The following OSBP variants were observed in gnomAD, a reference collection of about 807,000 sequenced individuals.
The protein encoded by OSBP is oxysterol binding protein, also known as oxysterol-binding protein 1.
OSBP carries 32 observed loss-of-function variants against 96.6 expected under a neutral mutation model. The observed-to-expected ratio is 0.33, with a 90% CI of 0.25 to 0.45. The LOEUF is 0.45. Among genes scored for constraint, OSBP ranks in the 20% least tolerant of loss-of-function variants. The pLI, the probability that OSBP is intolerant of heterozygous loss-of-function variation, is 1.00. For missense variants in OSBP, 653 were observed against 1,029.7 expected (o/e 0.63, Z 5.01); for synonymous variants, 369 against 389.6 (o/e 0.95, Z 0.62).
Position 59,600,812 on chromosome 11 carries a change from G to A in OSBP, c.1179+7C>T. 6.2e-7 allele frequency: 1 copy of A among 1,609,624 alleles called. No homozygotes were observed. The highest frequency in any genetic ancestry group is 8.5e-7 in the Non-Finnish European group (1 of 1,176,864). ...CTCACCTCTGAGATCTCCCATATAA[G>A]AATTACCTGTTCATCAAGGCTGATG... On this transcript the variant is annotated splice_region_variant and intron_variant, in intron 6 of 13. Transcript: ENST00000263847.
Position 59,594,092 on chromosome 11 carries a change from C to T in OSBP, c.1475G>A (p.Ser492Asn). 6.2e-7 allele frequency: 1 copy of T among 1,614,100 alleles called. No homozygotes were observed. The highest frequency in any genetic ancestry group is 1.1e-5 in the South Asian group (1 of 91,082). The change falls in exon 8 of 14, where the codon AGT becomes AAT. Residue 492 changes from serine (S) to asparagine (N), a missense_variant. Physicochemically the swap from Ser to Asn is conservative, Grantham distance 46 (BLOSUM62 1). Transcript: ENST00000263847. ...SSYSTTVFRT[S>N]KPFNPLLGET... ...CCCAAGCAGTGGGTTGAATGGCTTA[C>T]TGGTGCGGAAGACAGTAGTGGAGTA... is the stretch of plus-strand genomic sequence containing the variant.
intron 7 of OSBP, among the ~76,000 whole-genome samples, chr11:59,596,665 C>T (rs1860662014): frequency 2.0e-5 from 3 of 151,344 alleles, no homozygotes; most frequent in African/African-American, 7.3e-5. Context: ...TGGGGAGAAG[C>T]AGCAGTATTA....
intron 9 of OSBP, among the ~76,000 whole-genome samples, chr11:59,589,663 G>C (rs1028921963): frequency 2.0e-5 from 3 of 151,910 alleles, no homozygotes; most frequent in Admixed American, 2.0e-4. Context: ...ATATCAGCTA[G>C]TTTCTATATC....
In OSBP at chr11:59,615,699, C is replaced by T; in HGVS notation, c.-35G>A. The T allele has an allele frequency of 7.9e-7, 1 of 1,272,522 alleles. No homozygotes were observed. The highest frequency in any genetic ancestry group is 9.9e-7 in the Non-Finnish European group (1 of 1,011,116). The allele number at this position is 1,272,522 out of a possible 1,614,324, so 78.8% of individuals were successfully genotyped here. The stretch of plus-strand genomic sequence containing the variant: ...CCGCCTGGAGATACAAGACCGGAAC[C>T]GCCTACGAGAGCCGCCGTCGCCGCC... On this transcript the variant is annotated 5_prime_UTR_variant, in exon 1 of 14. Transcript: ENST00000263847.
chr11:59,601,557 G>A, intron 4 of OSBP, 83 bp downstream of exon 4: 2 of 1,297,394 alleles, frequency 1.5e-6, no homozygotes, highest in East Asian at 2.3e-5. Context: ...CATTGACTGT[G>A]AAGAGTTTGG....
At chr11:59,590,712 T>G (rs1860566991) in intron 9 of OSBP, among the ~76,000 whole-genome samples, 1 of 152,168 alleles carries the variant, frequency 6.6e-6, no homozygotes, top group South Asian at 2.1e-4. Flanking sequence ...GCTCACTTAC[T>G]CACAACCCTG....
rs1053818631 is a variant in OSBP, at chr11:59,574,619, A to G, written c.*1958T>C. 2.0e-5 allele frequency: 3 copies of G among 152,170 alleles called. No individual in the cohort carries two copies. Among genetic ancestry groups the G allele is most frequent in the African/African-American group, 4.9e-5 (2 of 41,182 alleles). The allele number at this position is 152,170 out of a possible 1,614,324, so 9.4% of individuals were successfully genotyped here. ...GAAGGGGATAAAGCAGAGAAGTCCA[A>G]TTTAGTTGGGGAATTCTCACTCTAT... On this transcript the variant is annotated 3_prime_UTR_variant, in exon 14 of 14. Transcript: ENST00000263847.
intron 11 of OSBP, among the ~76,000 whole-genome samples, 172 bp downstream of exon 11, chr11:59,580,002 G>C (rs554743930): frequency 1.3e-5 from 2 of 151,998 alleles, no homozygotes; most frequent in Non-Finnish European, 2.9e-5. Flanking sequence ...GTGAGCCACC[G>C]CGCCCAGCCT....
chr11:59,597,713 C>T (rs1333197163), intron 7 of OSBP, among the ~76,000 whole-genome samples: 1 of 152,026 alleles, frequency 6.6e-6, no homozygotes, highest in Admixed American at 6.6e-5. Context: ...TAACTTATTA[C>T]TATTTTGTTT....
chr11:59,585,554 GC>G (rs1263729016), intron 9 of OSBP, among the ~76,000 whole-genome samples: 5 of 150,808 alleles, frequency 3.3e-5, no homozygotes, highest in Admixed American at 2.6e-4. Context: ...GGGGGGGTCA[GC>G]CCCCCGCCCG....
At chr11:59,589,148 A>G (rs1424595452) in intron 9 of OSBP, among the ~76,000 whole-genome samples, 1 of 112,184 alleles carries the variant, frequency 8.9e-6, no homozygotes, top group East Asian at 3.0e-4. Flanking sequence ...CAAAGCAATC[A>G]TTCTTTTTTT....
At chr11:59,600,393 C>T in intron 7 of OSBP, 103 bp downstream of exon 7, 1 of 1,251,464 alleles carries the variant, frequency 8.0e-7, no homozygotes, top group South Asian at 1.5e-5. Context: ...AAAGACCATG[C>T]CACAAACTGC....
At chr11:59,585,266 T>C (rs991010015) in intron 9 of OSBP, among the ~76,000 whole-genome samples, 3 of 148,388 alleles carry the variant, frequency 2.0e-5, no homozygotes, top group African/African-American at 7.6e-5. Flanking sequence ...GTCTGAGATG[T>C]GGGGACCGCC....
chr11:59,580,330 A>G, intron 10 of OSBP, 61 bp from the exon 11 acceptor site: 1 of 998,196 alleles, frequency 1.0e-6, no homozygotes, highest in South Asian at 1.3e-5. Context: ...TGCCAAACCC[A>G]TGGTTCATAA....
At chr11:59,580,020 C>G (rs1269502652) in intron 11 of OSBP, among the ~76,000 whole-genome samples, 154 bp downstream of exon 11, 2 of 152,074 alleles carry the variant, frequency 1.3e-5, no homozygotes, top group African/African-American at 4.8e-5. Context: ...CCTTTCACCT[C>G]TACTTTTTTT....
In OSBP at chr11:59,574,957, A is replaced by C. The variant is rs909235785; in HGVS notation, c.*1620T>G. ...AAATACTAACAAAAAGCATACAAGG[A>C]AGGCACCTCAATTTGTGATCCTCAA... is the stretch of plus-strand genomic sequence containing the variant. On this transcript the variant is annotated 3_prime_UTR_variant, in exon 14 of 14. Coordinates refer to ENST00000263847, the MANE Select transcript of OSBP (RefSeq NM_002556.3). 3 of 152,462 alleles carry C rather than the reference A, an allele frequency of 2.0e-5. No individual in the cohort carries two copies. Among genetic ancestry groups the C allele is most frequent in the Non-Finnish European group, 4.4e-5 (3 of 68,066 alleles). 9.4% of individuals were successfully genotyped at this position (152,462 alleles called of 1,614,324 possible).
rs1860919352 is a variant in OSBP, at chr11:59,615,668, C to T, written c.-4G>A. 1.5e-6 allele frequency: 2 copies of T among 1,322,250 alleles called. No individual in the cohort carries two copies. The highest frequency in any genetic ancestry group is 1.5e-5 in the African/African-American group (1 of 65,328). 81.9% of individuals were successfully genotyped at this position (1,322,250 alleles called of 1,614,324 possible). A position where few individuals can be genotyped will look rare whatever the true frequency, so the allele number is the denominator to read the frequency against. On this transcript the variant is annotated 5_prime_UTR_variant, in exon 1 of 14. Transcript: ENST00000263847. The stretch of plus-strand genomic sequence containing the variant: ...CTCTCAGCTCCGTCGCCGCCATGAG[C>T]CGCCGCCGCCTGGAGATACAAGACC...
chr11:59,580,052 C>A, intron 11 of OSBP, 122 bp downstream of exon 11: 1 of 732,060 alleles, frequency 1.4e-6, no homozygotes, highest in Non-Finnish European at 2.4e-6. Flanking sequence ...TGTACACATA[C>A]ACTATATAAA....
chr11:59,613,044 G>A (rs1860871567), intron 1 of OSBP, among the ~76,000 whole-genome samples: 1 of 152,196 alleles, frequency 6.6e-6, no homozygotes, highest in African/African-American at 2.4e-5. Flanking sequence ...GGTTTTGGAG[G>A]TATGAAAAGC....
Sources: gnomAD v4.1 joint callset for allele counts (sites outside exome capture counted in the v4.1 genomes callset) on GRCh38, gnomAD v4.1.1 for gene constraint, MANE v1.5 for transcripts, NCBI Gene and HGNC (gene_info 2026-07-23, HGNC 2026-07-21) for gene names.